TRPV1: variants seen among roughly 807,000 people sequenced by gnomAD.
TRPV1 encodes the protein transient receptor potential cation channel subfamily V member 1, also known as OTRPC1.
A neutral mutation model predicts 82.3 loss-of-function variants in TRPV1; 82 were observed. The observed-to-expected ratio is 1.00, with a 90% CI of 0.83 to 1.20. TRPV1 has a LOEUF of 1.20. Ranked by LOEUF, TRPV1 falls within the 50% of genes most tolerant of loss-of-function variation. The probability of loss-of-function intolerance (pLI) is 0.00; values close to 1 mark genes in which losing one functional copy is unlikely to be tolerated. For missense variants in TRPV1, 1,067 were observed against 1,096.8 expected, an observed-to-expected ratio of 0.97 and a Z score of 0.38; for synonymous variants, 515 against 467.7, an observed-to-expected ratio of 1.10 and a Z score of -1.30.
At chr17:3,599,119 G>A (rs183693646) in intron 2 of TRPV1, among the ~76,000 whole-genome samples, 58 of 151,816 alleles carry the variant, frequency 3.8e-4, no homozygotes, top group African/African-American at 1.3e-3. Context: ...GGCACCTGTA[G>A]TCCCAGCTAT....
At chr17:3,606,295 G>A (rs999954861) in intron 2 of TRPV1, among the ~76,000 whole-genome samples, 1 of 152,088 alleles carries the variant, frequency 6.6e-6, no homozygotes, top group Non-Finnish European at 1.5e-5. Flanking sequence ...CACGTCCCTC[G>A]CTGGTTGGTG....
chr17:3,588,514 G>T, intron 7 of TRPV1, 147 bp from the exon 8 acceptor site: 1 of 909,744 alleles, frequency 1.1e-6, no homozygotes, highest in Non-Finnish European at 1.6e-6. Context: ...CCACCACTGA[G>T]ATCAACCAGC....
chr17:3,588,813 T>TAA (rs3837859), intron 7 of TRPV1: 69,864 of 883,468 alleles, frequency 0.079, 185 homozygotes, highest in Non-Finnish European at 0.087. Context: ...AAACCTCATC[T>TAA]AAAAAAAAAA....
intron 2 of TRPV1, among the ~76,000 whole-genome samples, chr17:3,606,820 A>G (rs551606931): frequency 4.0e-4 from 61 of 152,334 alleles, no homozygotes; most frequent in Admixed American, 1.4e-3. Context: ...CACACCAGGC[A>G]CAAGGCTGGG....
intron 11 of TRPV1, among the ~76,000 whole-genome samples, chr17:3,580,103 C>T (rs1177319694): frequency 7.1e-6 from 1 of 141,684 alleles, no homozygotes; most frequent in Non-Finnish European, 1.5e-5. Flanking sequence ...GGTCGCACAA[C>T]CCCCCGTTAA....
At chr17:3,588,431 A>G in intron 7 of TRPV1, 64 bp from the exon 8 acceptor site, 1 of 1,511,870 alleles carries the variant, frequency 6.6e-7, no homozygotes, top group Admixed American at 2.0e-5. Flanking sequence ...ACAGTACCTC[A>G]ACAACCAGCT....
In TRPV1 at chr17:3,591,328, C is replaced by T. The variant is rs187207058; in HGVS notation, c.310G>A (p.Ala104Thr). The T allele has an allele frequency of 2.8e-4, 453 of 1,593,498 alleles. 1 individual carries two copies. In the East Asian group the frequency reaches 8.9e-3, roughly 31 times the overall value. ...AGCCTGAGGGTCTTCTCGGTGCTGGCGGCGACAGAGTCCTGGGACAGCAGC... is the reference window on the plus strand; with the variant it reads ...AGCCTGAGGGTCTTCTCGGTGCTGGTGGCGACAGAGTCCTGGGACAGCAGC... ...ARLLSQDSVA[A>T]STEKTLRLYD... is the part of the protein sequence containing the mutation. Residue 104 changes from alanine to threonine, a missense_variant, in exon 4 of 17, where the codon GCC (alanine) becomes ACC (threonine). By Grantham distance (58) the Ala-to-Thr change is moderately conservative. Coordinates refer to ENST00000572705, the MANE Select transcript of TRPV1 (RefSeq NM_080704.4).
intron 16 of TRPV1, among the ~76,000 whole-genome samples, chr17:3,568,898 C>A (rs1207711704): frequency 6.6e-6 from 1 of 152,098 alleles, no homozygotes; most frequent in Non-Finnish European, 1.5e-5. Flanking sequence ...AAAAATTAGC[C>A]AGGTGTACAC....
At chr17:3,582,976 AAGG>A (rs2075040827) in intron 10 of TRPV1, among the ~76,000 whole-genome samples, 1 of 151,928 alleles carries the variant, frequency 6.6e-6, no homozygotes, top group East Asian at 1.9e-4. Flanking sequence ...TCCAGTATGC[AAGG>A]AGATTTCCTT....
intron 13 of TRPV1, 83 bp downstream of exon 13, chr17:3,577,043 C>T: frequency 7.0e-7 from 1 of 1,438,092 alleles, no homozygotes; most frequent in Admixed American, 2.0e-5. Flanking sequence ...CCAGTGCCTT[C>T]TCATTCAGCT....
chr17:3,609,237 C>G (rs930641869), intron 1 of TRPV1, 72 bp downstream of exon 1: 4 of 152,092 alleles, frequency 2.6e-5, no homozygotes, highest in African/African-American at 9.7e-5. Context: ...GGCATTTGCT[C>G]TCATCTTAGA....
At chr17:3,600,451 T>C (rs1161906969) in intron 2 of TRPV1, among the ~76,000 whole-genome samples, 1 of 152,040 alleles carries the variant, frequency 6.6e-6, no homozygotes, top group African/African-American at 2.4e-5. Context: ...TAGCTGGGCG[T>C]GGTGGTGCAC....
chr17:3,569,324 G>A (rs1006296683), intron 16 of TRPV1, among the ~76,000 whole-genome samples: 1 of 152,208 alleles, frequency 6.6e-6, no homozygotes, highest in African/African-American at 2.4e-5. Context: ...GTACTCAGGA[G>A]GCTGAGGTGG....
At chr17:3,588,904 C>G (rs974132393) in intron 7 of TRPV1, 6 of 1,535,696 alleles carry the variant, frequency 3.9e-6, no homozygotes, top group Non-Finnish European at 5.2e-6. Context: ...AATCCCCTCA[C>G]GGCGAGGCCC....
chr17:3,577,506 A>G (rs898355960), intron 12 of TRPV1, 92 bp downstream of exon 12: 19 of 1,443,172 alleles, frequency 1.3e-5, no homozygotes, highest in Non-Finnish European at 9.4e-7. Flanking sequence ...CCCAGGCACG[A>G]CAGAGAGGAT....
Position 3,592,364 on chromosome 17 carries a change from T to C in TRPV1, c.-14A>G, listed in dbSNP as rs199736566. ...CCATTTCTTCATCCTTGCTGGATCC[T>C]CTGTGGCCCAGTGTGCAACCTGCAG... On this transcript the variant is annotated 5_prime_UTR_variant, in exon 3 of 17. Coordinates refer to ENST00000572705, the MANE Select transcript of TRPV1 (RefSeq NM_080704.4). The C allele has an allele frequency of 3.8e-6, 6 of 1,579,122 alleles. No individual in the cohort carries two copies. In the African/African-American group the frequency reaches 5.4e-5, roughly 14 times the overall value.
Position 3,591,117 on chromosome 17 carries a change from C to A in TRPV1, c.452-1G>T. ...AGACAGGTCTTCCCTGTCTCAGGGT[C>A]TGAAAGACATAAGGGAGGGTCAGGG... On this transcript the variant is annotated splice_acceptor_variant, in intron 4 of 16. Coordinates refer to ENST00000572705, the MANE Select transcript of TRPV1 (RefSeq NM_080704.4). LOFTEE classifies it high-confidence loss of function. The A allele has an allele frequency of 1.2e-6, 2 of 1,611,874 alleles. No individual in the cohort carries two copies. Among genetic ancestry groups the A allele is most frequent in the Non-Finnish European group, 1.7e-6 (2 of 1,179,086 alleles).
At position 3,577,170 on chromosome 17, in the gene TRPV1, C is replaced by A. The variant is rs375321968; in HGVS notation, c.1736G>T (p.Arg579Leu). 2 of 1,585,636 alleles carry A rather than the reference C, an allele frequency of 1.3e-6. No individual in the cohort carries two copies. The highest frequency in any genetic ancestry group is 3.6e-5 in the Admixed American group (2 of 55,418). Reference sequence around the variant, plus strand: ...GAAGACGATGTAGACAAACATGAAACGGCACAGGTCTCTCAGGATCATCTG... The same window carrying A: ...GAAGACGATGTAGACAAACATGAAAAGGCACAGGTCTCTCAGGATCATCTG... ...IEKMILRDLC[R>L]FMFVYIVFLF... is the part of the protein sequence containing the mutation. Residue 579 changes from arginine (R) to leucine (L), a missense_variant, in exon 13 of 17, where the codon CGT (arginine) becomes CTT (leucine). Physicochemically the swap from Arg to Leu is moderately radical, Grantham distance 102 (BLOSUM62 -2). Transcript: ENST00000572705.
chr17:3,574,773 A>AC (rs1230273045), intron 13 of TRPV1, among the ~76,000 whole-genome samples: 2 of 151,932 alleles, frequency 1.3e-5, no homozygotes, highest in Non-Finnish European at 2.9e-5. Flanking sequence ...ACAGGGTGAA[A>AC]CCCGTCTCTA....
Sources: allele counts gnomAD v4.1 joint callset (sites outside exome capture counted in the v4.1 genomes callset), GRCh38; gene constraint gnomAD v4.1.1; transcripts MANE v1.5; gene names NCBI Gene and HGNC (gene_info 2026-07-23, HGNC 2026-07-21).